SUCLA2: variants seen among roughly 807,000 people sequenced by gnomAD.
The protein encoded by SUCLA2 is succinate-CoA ligase ADP-forming subunit beta.
In SUCLA2, 30 loss-of-function variants were observed where a neutral mutation model predicts 54.8. That is an observed-to-expected ratio of 0.55 (90% CI 0.41 to 0.74). The LOEUF is 0.74. Among genes scored for constraint, SUCLA2 ranks in the 30% least tolerant of loss-of-function variants. The pLI is 0.00. For synonymous variants in SUCLA2, 172 were observed against 188.9 expected, an observed-to-expected ratio of 0.91 and a Z score of 0.74; for missense variants, 476 against 562.9, an observed-to-expected ratio of 0.85 and a Z score of 1.56.
At chr13:47,980,420 A>C (rs146705973) in intron 4 of SUCLA2, among the ~76,000 whole-genome samples, 3,693 of 152,190 alleles carry the variant, frequency 0.024, 143 homozygotes, top group Admixed American at 0.1. Context: ...ATCTCAAAAA[A>C]AAATAAAAAA....
At chr13:47,956,044 G>A (rs746225908) in intron 6 of SUCLA2, among the ~76,000 whole-genome samples, 5 of 152,086 alleles carry the variant, frequency 3.3e-5, no homozygotes, top group Non-Finnish European at 7.4e-5. Flanking sequence ...TACTAGATCC[G>A]TAATGAAACG....
At chr13:47,949,392 A>G in intron 9 of SUCLA2, 91 bp downstream of exon 9, 13 of 1,431,176 alleles carry the variant, frequency 9.1e-6, no homozygotes, top group Non-Finnish European at 1.3e-5. Flanking sequence ...AGACACAGCT[A>G]TTTAAAAACT....
At chr13:47,954,604 C>T (rs146436952) in intron 6 of SUCLA2, 47 bp from the exon 7 acceptor site, 20 of 1,590,060 alleles carry the variant, frequency 1.3e-5, no homozygotes, top group Non-Finnish European at 1.6e-5. Flanking sequence ...AAGACAGATA[C>T]AATAAAGTAT....
At chr13:47,959,024 T>G (rs1355489960) in intron 6 of SUCLA2, among the ~76,000 whole-genome samples, 1 of 152,184 alleles carries the variant, frequency 6.6e-6, no homozygotes, top group Non-Finnish European at 1.5e-5. Flanking sequence ...GGAAATACGT[T>G]TCTAAAAATT....
chr13:47,991,949 G>A lies in SUCLA2; in HGVS notation c.272-2968C>T, dbSNP rs141573756. The stretch of plus-strand genomic sequence containing the variant: ...TAAAACCAACAATAACGTTCTTATT[G>A]AGAATACTACAGGTTGTCTCTGAAC... On this transcript the variant is annotated intron_variant, in intron 2 of 10. Transcript: ENST00000646932. 3.8e-3 allele frequency among the ~76,000 whole-genome samples: 582 copies of A among 152,004 alleles called. 2 individuals are homozygous for A. The highest frequency in any genetic ancestry group is 0.013 in the African/African-American group (545 of 41,348).
chr13:47,972,817 G>A (rs1258882129), intron 5 of SUCLA2, among the ~76,000 whole-genome samples: 13 of 138,210 alleles, frequency 9.4e-5, no homozygotes, highest in African/African-American at 3.2e-4. Context: ...GCACAATCTC[G>A]GCTCACTGCA....
Position 47,943,415 on chromosome 13 carries a change from C to T in SUCLA2, c.1348G>A (p.Ala450Thr). The T allele has an allele frequency of 6.2e-7, 1 of 1,613,860 alleles. No individual in the cohort carries two copies. Among genetic ancestry groups the T allele is most frequent in the Non-Finnish European group, 8.5e-7 (1 of 1,179,854 alleles). ...TTCACATCCACATGTGCTTGCTTCGCTAAGGTCACTATTTCAGAGAGCTTT... is the reference window on the plus strand; with the variant it reads ...TTCACATCCACATGTGCTTGCTTCGTTAAGGTCACTATTTCAGAGAGCTTT... ...VVKLSEIVTL[A>T]KQAHVDVKFQ... Residue 450 changes from alanine (A) to threonine (T), a missense_variant, in exon 11 of 11, where the codon GCG becomes ACG. Coordinates refer to ENST00000646932, the MANE Select transcript of SUCLA2 (RefSeq NM_003850.3).
At chr13:47,949,198 T>C (rs561740011) in intron 9 of SUCLA2, among the ~76,000 whole-genome samples, 170 bp from the exon 10 acceptor site, 2 of 152,194 alleles carry the variant, frequency 1.3e-5, no homozygotes, top group African/African-American at 4.8e-5. Flanking sequence ...GGTTATCTTA[T>C]AAAATATTTT....
At chr13:47,945,284 G>C (rs762475026) in intron 10 of SUCLA2, among the ~76,000 whole-genome samples, 1 of 147,948 alleles carries the variant, frequency 6.8e-6, no homozygotes, top group Middle Eastern at 3.3e-3. Context: ...TTAGCTGGGC[G>C]TGGTGGCACA....
intron 4 of SUCLA2, among the ~76,000 whole-genome samples, chr13:47,982,434 G>C (rs1040524708): frequency 2.6e-5 from 4 of 151,796 alleles, no homozygotes; most frequent in African/African-American, 9.7e-5. Flanking sequence ...GTGGGAGAGG[G>C]AAAAGGGAGC....
chr13:47,961,456 T>A (rs947909346), intron 6 of SUCLA2, among the ~76,000 whole-genome samples: 1 of 152,178 alleles, frequency 6.6e-6, no homozygotes, highest in Non-Finnish European at 1.5e-5. Context: ...GTCTTAAAAC[T>A]TTGATATTTG....
chr13:47,980,307 C>T (rs1950050589), intron 4 of SUCLA2, among the ~76,000 whole-genome samples: 1 of 151,862 alleles, frequency 6.6e-6, no homozygotes, highest in Non-Finnish European at 1.5e-5. Context: ...TCCAGCTACT[C>T]GGGAGTCTGA....
rs1206150282 is a variant in SUCLA2, at chr13:47,954,227, C to G, written c.1020G>C (p.Gly340=). The change falls in exon 8 of 11, where the codon GGG becomes GGC. Residue 340 remains glycine, a synonymous_variant. Coordinates refer to ENST00000646932, the MANE Select transcript of SUCLA2 (RefSeq NM_003850.3). ...CAACATCAAGGAAGTTGGCTGGAGT[C>G]CCTCCATGAAGTTTTATTATATCCA... is the stretch of plus-strand genomic sequence containing the variant. ...ATMDIIKLHG[G]TPANFLDVGG... 1.2e-6 allele frequency: 2 copies of G among 1,613,796 alleles called. No homozygotes were observed. Among genetic ancestry groups the G allele is most frequent in the Admixed American group, 1.7e-5 (1 of 59,978 alleles).
intron 10 of SUCLA2, 144 bp downstream of exon 10, chr13:47,948,796 A>G (rs1191168272): frequency 1.2e-6 from 1 of 810,254 alleles, no homozygotes; most frequent in Non-Finnish European, 2.1e-6. Flanking sequence ...TCTTTCAGCA[A>G]GAGTCATGAA....
At chr13:47,945,389 C>T (rs1182093751) in intron 10 of SUCLA2, among the ~76,000 whole-genome samples, 1 of 129,142 alleles carries the variant, frequency 7.7e-6, no homozygotes, top group Non-Finnish European at 1.6e-5. Context: ...CGCCACTGTA[C>T]TCCAGCCTAG....
chr13:47,982,339 T>C (rs924308336), intron 4 of SUCLA2, among the ~76,000 whole-genome samples: 24 of 152,140 alleles, frequency 1.6e-4, no homozygotes, highest in Non-Finnish European at 3.5e-4. Context: ...ATAAACCAGT[T>C]ACAAAAAGAC....
chr13:47,946,564 A>G (rs1170687242), intron 10 of SUCLA2, among the ~76,000 whole-genome samples: 1 of 150,240 alleles, frequency 6.7e-6, no homozygotes, highest in African/African-American at 2.5e-5. Flanking sequence ...ATACAAAATA[A>G]AAAACAAAAG....
At chr13:47,989,415 G>A (rs111608867) in intron 2 of SUCLA2, among the ~76,000 whole-genome samples, 6,104 of 152,032 alleles carry the variant, frequency 0.04, 256 homozygotes, top group East Asian at 0.098. Context: ...GTTTCACCAT[G>A]TTAGCCAGGA....
At chr13:47,946,960 G>A (rs1296462272) in intron 10 of SUCLA2, among the ~76,000 whole-genome samples, 1 of 152,034 alleles carries the variant, frequency 6.6e-6, no homozygotes, top group Non-Finnish European at 1.5e-5. Context: ...CACTTAAAAA[G>A]CTCAGAAACA....
Sources: gnomAD v4.1 joint callset for allele counts (sites outside exome capture counted in the v4.1 genomes callset) on GRCh38, gnomAD v4.1.1 for gene constraint, MANE v1.5 for transcripts, NCBI Gene and HGNC (gene_info 2026-07-23, HGNC 2026-07-21) for gene names.